Variants in FCN1 observed in about 807,000 individuals in gnomAD.
FCN1 encodes ficolin 1.
A neutral mutation model predicts 35.6 loss-of-function variants in FCN1; 42 were observed. The ratio of observed to expected loss-of-function variants is 1.18; its 90% CI spans 0.92 to 1.53. FCN1 has a LOEUF of 1.53. Among genes scored for constraint, FCN1 ranks in the 40% most tolerant of loss-of-function variants. The probability of loss-of-function intolerance (pLI) is 0.00; values close to 1 mark genes in which losing one functional copy is unlikely to be tolerated. For synonymous variants in FCN1, 179 were observed against 169.8 expected (o/e 1.05, Z -0.42); for missense variants, 439 against 428.4 (o/e 1.02, Z -0.22).
At position 134,904,148 on chromosome 9, in the gene FCN1, TCA is replaced by T. The variant is rs1301814623; in HGVS notation, c.*5648_*5649del. Among the ~76,000 whole-genome samples the T allele has an allele frequency of 6.6e-6, 1 of 152,112 alleles. No homozygotes were observed. Among genetic ancestry groups the T allele is most frequent in the Non-Finnish European group, 1.5e-5 (1 of 68,014 alleles). On this transcript the variant is annotated 3_prime_UTR_variant, in exon 9 of 9. Transcript: ENST00000371806. ...TTCAAAACTCATGAAAGACATCAAG[TCA>T]CAGATTCTATGAACCCCAAGCAAGA...
chr9:134,913,177 G>C, intron 5 of FCN1, 34 bp from the exon 6 acceptor site: 1 of 1,609,286 alleles, frequency 6.2e-7, no homozygotes, highest in Non-Finnish European at 8.5e-7. Flanking sequence ...GCTGCAGGAC[G>C]GGGGCCCTGG....
chr9:134,915,170 G>A (rs1177954707), intron 2 of FCN1, among the ~76,000 whole-genome samples: 5 of 152,196 alleles, frequency 3.3e-5, no homozygotes, highest in African/African-American at 7.2e-5. Flanking sequence ...CAAAGAATGC[G>A]TCCTCAGAGA....
chr9:134,917,321 G>C (rs954349861), intron 1 of FCN1, among the ~76,000 whole-genome samples: 1 of 152,192 alleles, frequency 6.6e-6, no homozygotes, highest in African/African-American at 2.4e-5. Context: ...CCTTACCACC[G>C]TTCAAACCCT....
Position 134,904,346 on chromosome 9 carries a change from T to C in FCN1, c.*5452A>G, listed in dbSNP as rs1329666722. 6.6e-6 allele frequency among the ~76,000 whole-genome samples: 1 copy of C among 152,234 alleles called. No individual in the cohort carries two copies. Among genetic ancestry groups the C allele is most frequent in the Non-Finnish European group, 1.5e-5 (1 of 68,038 alleles). On this transcript the variant is annotated 3_prime_UTR_variant, in exon 9 of 9. Coordinates refer to ENST00000371806, the MANE Select transcript of FCN1 (RefSeq NM_002003.5). ...ACTGAATCTGAAAATACTGGACATC[T>C]GTATTTACAGTGCTAAAAGAAACTA...
intron 5 of FCN1, 35 bp downstream of exon 5, chr9:134,913,544 AAG>A (rs1315239337): frequency 2.5e-6 from 4 of 1,579,368 alleles, no homozygotes; most frequent in Non-Finnish European, 8.6e-7. Context: ...GGGTGGGGGC[AAG>A]GCTTGGGTAC....
rs1314552626 is a variant in FCN1 at position 134,907,152 on chromosome 9, C to T, written c.*2646G>A. On this transcript the variant is annotated 3_prime_UTR_variant, in exon 9 of 9. Transcript: ENST00000371806. ...ATTTATATTTTATATTTATACTAAT[C>T]ATTTCTAGACTTAAAGCTAAGTCTT... 2.0e-5 allele frequency: 3 copies of T among 152,116 alleles called. No individual in the cohort carries two copies. Among genetic ancestry groups the T allele is most frequent in the Non-Finnish European group, 4.4e-5 (3 of 68,020 alleles). The allele number at this position is 152,116 out of a possible 1,614,324, so 9.4% of individuals were successfully genotyped here. A position where few individuals can be genotyped will look rare whatever the true frequency, so the allele number is the denominator to read the frequency against.
At chr9:134,916,220 G>C in intron 2 of FCN1, 128 bp downstream of exon 2, 1 of 745,492 alleles carries the variant, frequency 1.3e-6, no homozygotes, top group Non-Finnish European at 2.4e-6. Flanking sequence ...GGCTCTAGCA[G>C]GGGCCTGACC....
At chr9:134,912,338 C>T (rs1354895030) in intron 7 of FCN1, 148 bp downstream of exon 7, 3 of 780,074 alleles carry the variant, frequency 3.8e-6, no homozygotes, top group Non-Finnish European at 6.0e-6. Flanking sequence ...GCAGGGGACG[C>T]AGCCCTTAGA....
intron 1 of FCN1, among the ~76,000 whole-genome samples, 180 bp from the exon 2 acceptor site, chr9:134,916,641 CT>C (rs1314102255): frequency 9.9e-5 from 15 of 152,230 alleles, no homozygotes; most frequent in Non-Finnish European, 1.9e-4. Context: ...GCCCCATCTC[CT>C]CAGTGCTGTG....
Position 134,909,637 on chromosome 9 carries a change from G to A in FCN1, c.*161C>T, listed in dbSNP as rs1830995583. ...AGAAACATAATTCTCCCTCTGGTGA[G>A]GTTGTGGGCATGTGGCGGCTTGACT... On this transcript the variant is annotated 3_prime_UTR_variant, in exon 9 of 9. Transcript: ENST00000371806. 1.3e-6 allele frequency: 2 copies of A among 1,587,388 alleles called. No individual in the cohort carries two copies. The highest frequency in any genetic ancestry group is 1.7e-6 in the Non-Finnish European group (2 of 1,173,388).
rs375021250 is a variant in FCN1 at position 134,904,672 on chromosome 9, C to T, written c.*5126G>A. ...GTGCACACCTGTAGTCCCAGCTACA[C>T]GGGAAGCTGAGGCAGGAGAATTGTT... On this transcript the variant is annotated 3_prime_UTR_variant, in exon 9 of 9. Coordinates refer to ENST00000371806, the MANE Select transcript of FCN1 (RefSeq NM_002003.5). Among the ~76,000 whole-genome samples, 23 of 152,066 alleles carry T rather than the reference C, an allele frequency of 1.5e-4. No homozygotes were observed. The highest frequency in any genetic ancestry group is 1.2e-3 in the East Asian group (6 of 5,178).
chr9:134,909,804 G>A lies in FCN1; in HGVS notation c.975C>T (p.Pro325=), dbSNP rs1333215099. The A allele has an allele frequency of 1.7e-5, 27 of 1,613,098 alleles. No homozygotes were observed. Among genetic ancestry groups the A allele is most frequent in the South Asian group, 2.2e-5 (2 of 91,036 alleles). ...SYKVSEMKVR[P]A ...TGGAGGGGTCCTGGCCCGTCTAGGC[G>A]GGCCGCACCTTCATCTCTGACACCT... Residue 325 remains proline (P), a synonymous_variant, in exon 9 of 9, where the codon CCC becomes CCT. Transcript: ENST00000371806.
At position 134,909,185 on chromosome 9, in the gene FCN1, T is replaced by C; in HGVS notation, c.*613A>G. The C allele has an allele frequency of 7.8e-7, 1 of 1,288,292 alleles. No homozygotes were observed. The highest frequency in any genetic ancestry group is 1.2e-5 in the South Asian group (1 of 80,824). 79.8% of individuals were successfully genotyped at this position (1,288,292 alleles called of 1,614,324 possible). ...GACCAGGCGCTCACTTAGTGAGTGC[T>C]AAGTGTTTATCTCTTCCCAGCAGCC... On this transcript the variant is annotated 3_prime_UTR_variant, in exon 9 of 9. Transcript: ENST00000371806.
At position 134,908,797 on chromosome 9, in the gene FCN1, G is replaced by C. The variant is rs1489919857; in HGVS notation, c.*1001C>G. ...GGACTCCAGATCTACTGAGCCAGGA[G>C]GTGGCGAGTTCTTGTTGTTTCAAGC... is the stretch of plus-strand genomic sequence containing the variant. On this transcript the variant is annotated 3_prime_UTR_variant, in exon 9 of 9. Transcript: ENST00000371806. The C allele has an allele frequency of 1.1e-5, 2 of 187,514 alleles. No individual in the cohort carries two copies. The highest frequency in any genetic ancestry group is 2.2e-5 in the Non-Finnish European group (2 of 89,770). The allele number at this position is 187,514 out of a possible 1,614,324, so 11.6% of individuals were successfully genotyped here. A position where few individuals can be genotyped will look rare whatever the true frequency, so the allele number is the denominator to read the frequency against.
Position 134,906,518 on chromosome 9 carries a change from A to T in FCN1, c.*3280T>A, listed in dbSNP as rs1425109512. The T allele has an allele frequency of 6.6e-6, 1 of 152,198 alleles. No individual in the cohort carries two copies. Among genetic ancestry groups the T allele is most frequent in the South Asian group, 2.1e-4 (1 of 4,832 alleles). The allele number at this position is 152,198 out of a possible 1,614,324, so 9.4% of individuals were successfully genotyped here. On this transcript the variant is annotated 3_prime_UTR_variant, in exon 9 of 9. Coordinates refer to ENST00000371806, the MANE Select transcript of FCN1 (RefSeq NM_002003.5). ...AGAAAACCCTCCTTAGCACTAATTA[A>T]TCTTTAAAAATCTAATAATTTAACT...
rs991343301 is a variant in FCN1 at position 134,904,841 on chromosome 9, C to T, written c.*4957G>A. ...TTGTCAGGCAGCAAGAAGATGATCTCACACCAAAAATAATAATAATAATAA... is the reference window on the plus strand; with the variant it reads ...TTGTCAGGCAGCAAGAAGATGATCTTACACCAAAAATAATAATAATAATAA... On this transcript the variant is annotated 3_prime_UTR_variant, in exon 9 of 9. Transcript: ENST00000371806. 6.6e-6 allele frequency among the ~76,000 whole-genome samples: 1 copy of T among 151,700 alleles called. No individual in the cohort carries two copies. Among genetic ancestry groups the T allele is most frequent in the African/African-American group, 2.4e-5 (1 of 41,254 alleles).
At chr9:134,916,216 A>C in intron 2 of FCN1, 132 bp downstream of exon 2, 1 of 734,048 alleles carries the variant, frequency 1.4e-6, no homozygotes, top group Non-Finnish European at 2.4e-6. Flanking sequence ...TCCTGGCTCT[A>C]GCAGGGGCCT....
At chr9:134,912,943 G>A in intron 6 of FCN1, 73 bp downstream of exon 6, 3 of 1,567,574 alleles carry the variant, frequency 1.9e-6, no homozygotes, top group African/African-American at 2.7e-5. Context: ...TCCAGAGTGT[G>A]TTCTACAACC....
chr9:134,917,108 C>T (rs769304022), intron 1 of FCN1, among the ~76,000 whole-genome samples: 2 of 152,252 alleles, frequency 1.3e-5, no homozygotes, highest in Admixed American at 1.3e-4. Context: ...CGGAGCAGTG[C>T]TCTCACCGGA....
Sources: gnomAD v4.1 joint callset for allele counts (sites outside exome capture counted in the v4.1 genomes callset) on GRCh38, gnomAD v4.1.1 for gene constraint, MANE v1.5 for transcripts, NCBI Gene and HGNC (gene_info 2026-07-23, HGNC 2026-07-21) for gene names.